The following SMYD3 variants were observed in gnomAD, a reference collection of about 807,000 sequenced individuals.
The protein encoded by SMYD3 is histone-lysine N-methyltransferase SMYD3.
A neutral mutation model predicts 57.7 loss-of-function variants in SMYD3; 36 were observed. The ratio of observed to expected loss-of-function variants is 0.62; its 90% CI spans 0.48 to 0.82. The LOEUF is 0.82. Among genes scored for constraint, SMYD3 ranks in the 40% least tolerant of loss-of-function variants. The pLI is 0.00. For synonymous variants in SMYD3, 211 were observed against 195.0 expected (o/e 1.08, Z -0.68); for missense variants, 515 against 538.8 (o/e 0.96, Z 0.44).
intron 1 of SMYD3, among the ~76,000 whole-genome samples, chr1:246,412,848 G>A (rs1197961371): frequency 9.1e-6 from 1 of 109,842 alleles, no homozygotes; most frequent in East Asian, 2.7e-4. Flanking sequence ...ACAAGAGTGA[G>A]ACTCCGTCTC....
chr1:246,308,765 C>T (rs1414029531), intron 5 of SMYD3, among the ~76,000 whole-genome samples: 1 of 152,098 alleles, frequency 6.6e-6, no homozygotes, highest in Non-Finnish European at 1.5e-5. Context: ...ATCACATTTT[C>T]TTATACTCGG....
At chr1:246,251,508 G>A (rs76319035) in intron 5 of SMYD3, among the ~76,000 whole-genome samples, 2 of 73,918 alleles carry the variant, frequency 2.7e-5, no homozygotes, top group Non-Finnish European at 5.2e-5. Flanking sequence ...AGTAGGTGCC[G>A]CGGACACTGC....
intron 1 of SMYD3, among the ~76,000 whole-genome samples, chr1:246,379,247 A>T (rs1174044239): frequency 6.6e-6 from 1 of 150,650 alleles, no homozygotes; most frequent in Non-Finnish European, 1.5e-5. Flanking sequence ...ATAACATTAC[A>T]TGGGTGTAAT....
At chr1:246,208,720 G>C (rs2063039268) in intron 5 of SMYD3, among the ~76,000 whole-genome samples, 1 of 152,162 alleles carries the variant, frequency 6.6e-6, no homozygotes, top group South Asian at 2.1e-4. Flanking sequence ...TATTTACGCA[G>C]AACCATTCAG....
intron 5 of SMYD3, among the ~76,000 whole-genome samples, chr1:246,308,228 G>A (rs973472435): frequency 6.6e-6 from 1 of 152,064 alleles, no homozygotes; most frequent in African/African-American, 2.4e-5. Flanking sequence ...CAGACAGGGC[G>A]GAAATGAAGT....
chr1:246,327,082 A>ATT, intron 5 of SMYD3, 119 bp downstream of exon 5: 1 of 1,154,884 alleles, frequency 8.7e-7, no homozygotes, highest in South Asian at 1.3e-5. Context: ...AGGAAGTAAT[A>ATT]TAAGGCATTA....
At chr1:246,287,473 T>C (rs946882655) in intron 5 of SMYD3, among the ~76,000 whole-genome samples, 3 of 152,238 alleles carry the variant, frequency 2.0e-5, no homozygotes, top group Non-Finnish European at 2.9e-5. Flanking sequence ...CTTACCGCTA[T>C]GTCCAAACTG....
In SMYD3 at chr1:245,812,646, C is replaced by T. The variant is rs567397141; in HGVS notation, c.1076+45850G>A. ...TCAGAGTAGCCCAAGAGAGAACAGGCCCATGCCCAGTGCTTTGGTAAGAAT... is the reference window on the plus strand; with the variant it reads ...TCAGAGTAGCCCAAGAGAGAACAGGTCCATGCCCAGTGCTTTGGTAAGAAT... On this transcript the variant is annotated intron_variant, in intron 10 of 11. Coordinates refer to ENST00000490107, the MANE Select transcript of SMYD3 (RefSeq NM_001167740.2). Among the ~76,000 whole-genome samples the T allele has an allele frequency of 1.3e-4, 19 of 147,554 alleles. No individual in the cohort carries two copies. The South Asian group carries it at 4.1e-3, about 32-fold the overall frequency.
intron 5 of SMYD3, among the ~76,000 whole-genome samples, chr1:246,055,641 G>T (rs998570360): frequency 1.3e-5 from 2 of 152,056 alleles, no homozygotes; most frequent in African/African-American, 4.8e-5. Flanking sequence ...ATCAAATGTG[G>T]TATATACATA....
At chr1:245,993,591 T>TAGATAGATAGATAGAC (rs1419707519) in intron 5 of SMYD3, among the ~76,000 whole-genome samples, 569 of 16,884 alleles carry the variant, frequency 0.034, 7 homozygotes, top group African/African-American at 0.044. Flanking sequence ...GATAGATAGA[T>TAGATAGATAGATAGAC]AGATAGATAG....
At chr1:246,147,667 G>T (rs1411519136) in intron 5 of SMYD3, among the ~76,000 whole-genome samples, 1 of 151,862 alleles carries the variant, frequency 6.6e-6, no homozygotes, top group East Asian at 2.0e-4. Context: ...TGCCCAAACT[G>T]ATGCTGGAGA....
chr1:246,094,694 T>A (rs1215376340), intron 5 of SMYD3, among the ~76,000 whole-genome samples: 1 of 152,194 alleles, frequency 6.6e-6, no homozygotes, highest in African/African-American at 2.4e-5. Context: ...ACGCACAGGA[T>A]CACTCCTGGC....
At chr1:245,929,218 C>A (rs2056570966) in intron 6 of SMYD3, among the ~76,000 whole-genome samples, 1 of 152,156 alleles carries the variant, frequency 6.6e-6, no homozygotes, top group South Asian at 2.1e-4. Context: ...GTAGACCTGA[C>A]CTACAGTTAA....
At chr1:246,129,770 ATTTC>A (rs913485593) in intron 5 of SMYD3, among the ~76,000 whole-genome samples, 2 of 152,128 alleles carry the variant, frequency 1.3e-5, no homozygotes, top group African/African-American at 2.4e-5. Flanking sequence ...TTCTGAACAC[ATTTC>A]TTTCTCTTTT....
intron 11 of SMYD3, among the ~76,000 whole-genome samples, chr1:245,750,421 A>G (rs2045288780): frequency 6.6e-6 from 1 of 152,192 alleles, no homozygotes; most frequent in South Asian, 2.1e-4. Flanking sequence ...TCATCTTTCA[A>G]GTCATTCTAG....
At chr1:245,854,963 G>A (rs547043709) in intron 10 of SMYD3, among the ~76,000 whole-genome samples, 5 of 152,324 alleles carry the variant, frequency 3.3e-5, no homozygotes, top group South Asian at 2.1e-4. Flanking sequence ...ATGCTAAGAC[G>A]GAGGTCTATC....
At chr1:246,362,311 A>G (rs1162604370) in intron 1 of SMYD3, among the ~76,000 whole-genome samples, 2 of 152,208 alleles carry the variant, frequency 1.3e-5, no homozygotes, top group African/African-American at 2.4e-5. Context: ...TAATTCAATT[A>G]CTACTTTAGA....
At chr1:246,046,394 A>G (rs2059964868) in intron 5 of SMYD3, among the ~76,000 whole-genome samples, 1 of 152,042 alleles carries the variant, frequency 6.6e-6, no homozygotes, top group Non-Finnish European at 1.5e-5. Context: ...CAAACACAGC[A>G]TGTTCTCACT....
intron 1 of SMYD3, among the ~76,000 whole-genome samples, chr1:246,417,592 T>C (rs6426299): frequency 6.6e-6 from 1 of 151,794 alleles, no homozygotes; most frequent in African/African-American, 2.4e-5. Flanking sequence ...GTATGAGTCA[T>C]GGTCCAGATG....
Sources: gnomAD v4.1 joint callset for allele counts (sites outside exome capture counted in the v4.1 genomes callset) on GRCh38, gnomAD v4.1.1 for gene constraint, MANE v1.5 for transcripts, NCBI Gene and HGNC (gene_info 2026-07-23, HGNC 2026-07-21) for gene names.